The following MBNL2 variants were observed in gnomAD, a reference collection of about 807,000 sequenced individuals.
MBNL2 encodes muscleblind-like protein 2.
Under a neutral mutation model 41.9 loss-of-function variants are expected in MBNL2, and 17 were observed. That is an observed-to-expected ratio of 0.41 (90% confidence interval 0.28 to 0.61). The LOEUF (loss-of-function observed/expected upper bound fraction) is 0.61. Among genes scored for constraint, MBNL2 ranks in the 20% least tolerant of loss-of-function variants. The pLI is 0.35. For synonymous variants in MBNL2, 195 were observed against 182.9 expected, an observed-to-expected ratio of 1.07 and a Z score of -0.53; for missense variants, 336 against 505.6, an observed-to-expected ratio of 0.66 and a Z score of 3.22.
chr13:97,194,348 G>A, the MBNL2 span, among the ~76,000 whole-genome samples: 1 of 152,112 alleles, frequency 6.6e-6, no homozygotes, highest in African/African-American at 2.4e-5. Flanking sequence ...TTAAATACTT[G>A]TTAAGTGGCC....
chr13:97,190,079 C>G, the MBNL2 span, among the ~76,000 whole-genome samples: 1 of 152,248 alleles, frequency 6.6e-6, no homozygotes, highest in Non-Finnish European at 1.5e-5. Flanking sequence ...CCACCTGCCG[C>G]AGTGGACCCC....
At chr13:97,339,908 GA>G (rs556202866) in intron 3 of MBNL2, among the ~76,000 whole-genome samples, 45 of 144,014 alleles carry the variant, frequency 3.1e-4, no homozygotes, top group Admixed American at 6.4e-4. Context: ...TTTGTTTTAA[GA>G]AATAACCAAC....
chr13:97,216,582 C>T (rs146433266), upstream of MBNL2, among the ~76,000 whole-genome samples: 1 of 152,252 alleles, frequency 6.6e-6, no homozygotes, highest in East Asian at 1.9e-4. Context: ...TTTCTAGGGA[C>T]CAGGCCATCT....
intron 2 of MBNL2, among the ~76,000 whole-genome samples, chr13:97,306,732 G>T (rs777087966): frequency 6.6e-6 from 1 of 152,218 alleles, no homozygotes; most frequent in Non-Finnish European, 1.5e-5. Flanking sequence ...GAGATGAGGA[G>T]AATAGGTGTC....
chr13:97,196,623 G>A, the MBNL2 span, among the ~76,000 whole-genome samples: 1,829 of 152,192 alleles, frequency 0.012, 38 homozygotes, highest in African/African-American at 0.042. Flanking sequence ...AGGTCATAGT[G>A]GCTTCTAGAA....
At chr13:97,271,454 A>C (rs1172951910) in intron 1 of MBNL2, among the ~76,000 whole-genome samples, 2 of 144,224 alleles carry the variant, frequency 1.4e-5, no homozygotes, top group African/African-American at 2.9e-5. Context: ...CTAAAAAAAA[A>C]CAAACAAAAA....
At position 97,382,359 on chromosome 13, in the gene MBNL2, G is replaced by A. The variant is rs1330814930; in HGVS notation, c.1049-8963G>A. 2.0e-5 allele frequency among the ~76,000 whole-genome samples: 3 copies of A among 152,200 alleles called. No individual in the cohort carries two copies. In the East Asian group the frequency reaches 5.8e-4, roughly 29 times the overall value. Reference sequence around the variant, plus strand: ...GCCAAATGCCACTCATGTCTATGATGTTGCTATATCTTTGGGATTCAAGAA... The same window carrying A: ...GCCAAATGCCACTCATGTCTATGATATTGCTATATCTTTGGGATTCAAGAA... On this transcript the variant is annotated intron_variant, in intron 8 of 8. Transcript: ENST00000679496.
the MBNL2 span, among the ~76,000 whole-genome samples, chr13:97,176,507 T>A: frequency 5.3e-5 from 8 of 152,108 alleles, no homozygotes; most frequent in Non-Finnish European, 1.2e-4. Flanking sequence ...GCCCTGCCCA[T>A]GTGAACCTCA....
At chr13:97,176,131 G>A in the MBNL2 span, among the ~76,000 whole-genome samples, 1 of 152,104 alleles carries the variant, frequency 6.6e-6, no homozygotes, top group Non-Finnish European at 1.5e-5. Context: ...CAAATAGCTC[G>A]AGTTAAATCT....
At position 97,343,231 on chromosome 13, in the gene MBNL2, C is replaced by T; in HGVS notation, c.540+15C>T. 1 of 1,569,700 alleles carries T rather than the reference C, an allele frequency of 6.4e-7. No individual in the cohort carries two copies. Among genetic ancestry groups the T allele is most frequent in the Non-Finnish European group, 8.7e-7 (1 of 1,150,710 alleles). Reference sequence around the variant, plus strand: ...ACAAACTGGAGGTACTTCAATTCTACTTGTGTTTTGACATGCATTTGTGGT... The same window carrying T: ...ACAAACTGGAGGTACTTCAATTCTATTTGTGTTTTGACATGCATTTGTGGT... On this transcript the variant is annotated intron_variant, in intron 4 of 8. Transcript: ENST00000679496.
chr13:97,363,972 T>C (rs1186018601), intron 7 of MBNL2, among the ~76,000 whole-genome samples: 3 of 152,162 alleles, frequency 2.0e-5, no homozygotes, highest in Admixed American at 6.5e-5. Context: ...AGGGCACTCC[T>C]ACATTTACGA....
At chr13:97,207,993 C>T in the MBNL2 span, among the ~76,000 whole-genome samples, 1 of 152,334 alleles carries the variant, frequency 6.6e-6, no homozygotes, top group East Asian at 1.9e-4. Context: ...GTCTCACATC[C>T]AGGTCATGCT....
intron 1 of MBNL2, among the ~76,000 whole-genome samples, chr13:97,272,570 G>A (rs1352744329): frequency 6.6e-6 from 1 of 152,012 alleles, no homozygotes; most frequent in Non-Finnish European, 1.5e-5. Flanking sequence ...GGTTTTTTAT[G>A]GTTTGGGTTT....
At chr13:97,194,839 G>A in the MBNL2 span, among the ~76,000 whole-genome samples, 19 of 152,266 alleles carry the variant, frequency 1.2e-4, no homozygotes, top group Middle Eastern at 3.4e-3. Flanking sequence ...GGCAATGCCC[G>A]GAAGTTAACT....
At chr13:97,190,747 G>C in the MBNL2 span, among the ~76,000 whole-genome samples, 111,451 of 152,160 alleles carry the variant, frequency 0.73, 41,180 homozygotes, top group African/African-American at 0.79. Flanking sequence ...GGATGACTCC[G>C]GTCATGGTGA....
chr13:97,212,500 A>G, the MBNL2 span, among the ~76,000 whole-genome samples: 2 of 152,048 alleles, frequency 1.3e-5, no homozygotes, highest in African/African-American at 4.8e-5. Flanking sequence ...TGCACTTAGC[A>G]CCTTCTGATT....
chr13:97,155,721 T>A, the MBNL2 span, among the ~76,000 whole-genome samples: 136 of 152,258 alleles, frequency 8.9e-4, no homozygotes, highest in Non-Finnish European at 1.6e-3. Flanking sequence ...ACAAAGGACA[T>A]GAACTCATCC....
chr13:97,166,950 G>T, the MBNL2 span, among the ~76,000 whole-genome samples: 27 of 152,210 alleles, frequency 1.8e-4, no homozygotes, highest in Non-Finnish European at 3.7e-4. Flanking sequence ...GCATTCAGGG[G>T]AGAAAAACTC....
At position 97,226,760 on chromosome 13, in the gene MBNL2, C is replaced by CA. The variant is rs200073204; in HGVS notation, c.-605+4238dup. Among the ~76,000 whole-genome samples the CA allele has an allele frequency of 4.9e-3, 737 of 149,278 alleles. 2 individuals carry two copies. The highest frequency in any genetic ancestry group is 0.01 in the African/African-American group (426 of 40,688). The stretch of plus-strand genomic sequence containing the variant: ...GAGCAATAGATAGATAAGAATGGTG[C>CA]AAAAAAAAATCAAAATATGAAGCTA... On this transcript the variant is annotated intron_variant, in intron 1 of 8. Transcript: ENST00000679496.
Sources: gnomAD v4.1 joint callset for allele counts (sites outside exome capture counted in the v4.1 genomes callset) on GRCh38, gnomAD v4.1.1 for gene constraint, MANE v1.5 for transcripts, NCBI Gene and HGNC (gene_info 2026-07-23, HGNC 2026-07-21) for gene names.